Variants in KALRN observed in about 807,000 individuals in gnomAD.
The protein encoded by KALRN is kalirin.
A neutral mutation model predicts 353.7 loss-of-function variants in KALRN; 70 were observed. The ratio of observed to expected loss-of-function variants is 0.20; its 90% CI spans 0.16 to 0.24. The LOEUF is 0.24. KALRN is among the 10% of genes least tolerant of loss of function. The pLI is 1.00. For synonymous variants in KALRN, 1,391 were observed against 1,434.8 expected (o/e 0.97, Z 0.69); for missense variants, 2,791 against 3,756.7 (o/e 0.74, Z 6.72).
intron 34 of KALRN, among the ~76,000 whole-genome samples, chr3:124,601,415 T>G (rs2076795457): frequency 6.6e-6 from 1 of 152,234 alleles, no homozygotes; most frequent in African/African-American, 2.4e-5. Context: ...AACAGACTTG[T>G]AACCTAGGTC....
chr3:124,451,784 G>T (rs1010586812), intron 21 of KALRN, among the ~76,000 whole-genome samples: 2 of 152,292 alleles, frequency 1.3e-5, no homozygotes, highest in East Asian at 3.9e-4. Flanking sequence ...AAGACCAAGG[G>T]TGTCTCAAGC....
At chr3:124,445,383 G>A (rs773097127) in intron 19 of KALRN, among the ~76,000 whole-genome samples, 5 of 152,074 alleles carry the variant, frequency 3.3e-5, no homozygotes, top group South Asian at 2.1e-4. Flanking sequence ...TATTTAAAAC[G>A]CTTAAGACAT....
intron 50 of KALRN, chr3:124,678,599 A>G: frequency 4.4e-6 from 1 of 226,882 alleles, no homozygotes; most frequent in Non-Finnish European, 8.9e-6. Flanking sequence ...TCTCTTAAAA[A>G]TGTGAGATGC....
intron 55 of KALRN, among the ~76,000 whole-genome samples, chr3:124,698,630 G>A (rs1372581402): frequency 2.0e-5 from 3 of 152,198 alleles, no homozygotes; most frequent in Non-Finnish European, 2.9e-5. Context: ...TATAGTTAGT[G>A]AGAGGCAGAG....
chr3:124,190,489 A>G (rs2074781460), intron 1 of KALRN, among the ~76,000 whole-genome samples: 1 of 152,144 alleles, frequency 6.6e-6, no homozygotes, highest in African/African-American at 2.4e-5. Flanking sequence ...TCATTTATCT[A>G]TTTCTGACCC....
At chr3:124,403,441 C>T (rs1560820881) in intron 13 of KALRN, among the ~76,000 whole-genome samples, 1 of 152,094 alleles carries the variant, frequency 6.6e-6, no homozygotes, top group Non-Finnish European at 1.5e-5. Context: ...AAATATGGGC[C>T]ACCTTTATGG....
chr3:124,716,996 A>C (rs995257998), intron 58 of KALRN, among the ~76,000 whole-genome samples: 1 of 152,194 alleles, frequency 6.6e-6, no homozygotes, highest in African/African-American at 2.4e-5. Flanking sequence ...AGAGTTAATG[A>C]AGGAGAATGT....
At chr3:124,223,085 C>T (rs966380188) in intron 1 of KALRN, among the ~76,000 whole-genome samples, 4 of 149,680 alleles carry the variant, frequency 2.7e-5, no homozygotes, top group African/African-American at 9.9e-5. Flanking sequence ...GCATTTTGTA[C>T]AGGTGGTGTC....
At chr3:124,450,787 T>TCCTG (rs1391286821) in intron 21 of KALRN, among the ~76,000 whole-genome samples, 1 of 152,118 alleles carries the variant, frequency 6.6e-6, no homozygotes, top group Non-Finnish European at 1.5e-5. Flanking sequence ...GGTCTTGAAC[T>TCCTG]CCTGACCTTA....
intron 1 of KALRN, among the ~76,000 whole-genome samples, chr3:124,170,808 T>C (rs2071650302): frequency 6.9e-6 from 1 of 144,892 alleles, no homozygotes; most frequent in Admixed American, 7.0e-5. Flanking sequence ...ACATACTTTA[T>C]AAACTCCTTC....
chr3:124,691,083 C>T (rs969351862), intron 51 of KALRN, among the ~76,000 whole-genome samples: 1 of 152,148 alleles, frequency 6.6e-6, no homozygotes, highest in South Asian at 2.1e-4. Context: ...CTTTGAAGAG[C>T]TTATAGTCTA....
intron 54 of KALRN, among the ~76,000 whole-genome samples, chr3:124,697,343 T>TCAACATGTTAGTTCCCTGGC (rs1237659742): frequency 6.6e-6 from 1 of 152,174 alleles, no homozygotes; most frequent in African/African-American, 2.4e-5. Context: ...AAACCTACCA[T>TCAACATGTTAGTTCCCTGGC]CAACATGTTA....
Position 124,426,099 on chromosome 3 carries a change from G to T in KALRN, c.2709+3121G>T, listed in dbSNP as rs2093005939. ...GCCCTCGAGGTGCCAAGGGACTGCT[G>T]CTTGGTTAAGCCACCATGCCTCATT... On this transcript the variant is annotated intron_variant, in intron 15 of 59. Coordinates refer to ENST00000682506, the MANE Select transcript of KALRN (RefSeq NM_001388419.1). 2.0e-5 allele frequency among the ~76,000 whole-genome samples: 3 copies of T among 152,178 alleles called. 1 individual carries two copies. Among genetic ancestry groups the T allele is most frequent in the Admixed American group, 2.0e-4 (3 of 15,282 alleles).
chr3:124,717,500 C>A, intron 59 of KALRN, 115 bp downstream of exon 59: 1 of 551,546 alleles, frequency 1.8e-6, no homozygotes, highest in South Asian at 3.9e-5. Flanking sequence ...TCCTGGCTGA[C>A]ACGGTGAAAC....
chr3:124,671,886 C>A lies in KALRN; in HGVS notation c.6930C>A (p.Phe2310Leu), dbSNP rs769328981. ...AATACCACCAGCCTGGGGACAAGTT[C>A]GAAGCCAGCAAGGTAAGTGACAACT... ...GFEYHQPGDKFEASKNDLGGC... is the reference protein window; with the variant it reads ...GFEYHQPGDKLEASKNDLGGC... Residue 2310 changes from phenylalanine (F) to leucine (L), a missense_variant, in exon 48 of 60, where the codon TTC becomes TTA. This residue lies in a region of KALRN where 1,065 missense variants were observed against 1,156.4 expected (regional missense o/e 0.92). Transcript: ENST00000682506. 2.4e-5 allele frequency: 39 copies of A among 1,612,312 alleles called. No homozygotes were observed. Among genetic ancestry groups the A allele is most frequent in the Non-Finnish European group, 2.8e-5 (33 of 1,178,602 alleles).
At chr3:124,310,698 C>T (rs1250101388) in intron 6 of KALRN, among the ~76,000 whole-genome samples, 1 of 152,108 alleles carries the variant, frequency 6.6e-6, no homozygotes, top group Admixed American at 6.5e-5. Context: ...GCTGGGACAA[C>T]TGGATAGTCA....
At chr3:124,147,268 A>T (rs1658968814) in intron 1 of KALRN, among the ~76,000 whole-genome samples, 3 of 152,182 alleles carry the variant, frequency 2.0e-5, no homozygotes, top group Admixed American at 6.5e-5. Context: ...CCATCCAGAC[A>T]TTCCAGAATA....
chr3:124,088,763 T>C (rs2149353736), intron 1 of KALRN, among the ~76,000 whole-genome samples: 2 of 152,272 alleles, frequency 1.3e-5, no homozygotes, highest in Middle Eastern at 6.8e-3. Context: ...ACAAAAGGTA[T>C]AAAAAGGTTT....
At position 124,495,965 on chromosome 3, in the gene KALRN, GTATATATATATATATATATATATATA is replaced by G. The variant is rs768441029; in HGVS notation, c.4833-323_4833-298del. 4.3e-4 allele frequency among the ~76,000 whole-genome samples: 18 copies of G among 41,482 alleles called. 1 individual carries two copies. The highest frequency in any genetic ancestry group is 1.2e-3 in the East Asian group (1 of 856). 27.2% of individuals were successfully genotyped at this position (41,482 alleles called of 152,430 possible). A position where few individuals can be genotyped will look rare whatever the true frequency, so the allele number is the denominator to read the frequency against. On this transcript the variant is annotated intron_variant, in intron 32 of 59. Transcript: ENST00000682506. ...CCCAAGTGTGTGTATGTGTATGTAT[GTATATATATATATATATATATATATA>G]TATATATATATATATATATATACAC...
Sources: gnomAD v4.1 joint callset for allele counts (sites outside exome capture counted in the v4.1 genomes callset) on GRCh38, gnomAD v4.1.1 for gene constraint, gnomAD v4.1.1 regional missense constraint, MANE v1.5 for transcripts, NCBI Gene and HGNC (gene_info 2026-07-23, HGNC 2026-07-21) for gene names.